The following METTL14 variants were observed in gnomAD, a reference collection of about 807,000 sequenced individuals.
The protein encoded by METTL14 is N(6)-adenosine-methyltransferase non-catalytic subunit METTL14.
In METTL14, 32 loss-of-function variants were observed where a neutral mutation model predicts 62.4. The ratio of observed to expected loss-of-function variants is 0.51; its 90% CI spans 0.39 to 0.69. METTL14 has a LOEUF of 0.69. Among genes scored for constraint, METTL14 ranks in the 30% least tolerant of loss-of-function variants. The pLI is 0.00. For synonymous variants in METTL14, 150 were observed against 180.0 expected (o/e 0.83, Z 1.34); for missense variants, 340 against 551.9 (o/e 0.62, Z 3.85).
intron 9 of METTL14, 54 bp from the exon 10 acceptor site, chr4:118,705,557 T>C: frequency 7.1e-7 from 1 of 1,403,130 alleles, no homozygotes; most frequent in South Asian, 1.2e-5. Flanking sequence ...ATGTGAAAGG[T>C]TTTGGAATGA....
Position 118,687,988 on chromosome 4 carries a change from T to G in METTL14, c.132T>G (p.Ile44Met). 1.2e-6 allele frequency: 2 copies of G among 1,613,352 alleles called. No homozygotes were observed. Among genetic ancestry groups the G allele is most frequent in the Non-Finnish European group, 1.7e-6 (2 of 1,179,556 alleles). ...VLNSKDEQREIAETRETCRAS... is the reference protein window; with the variant it reads ...VLNSKDEQREMAETRETCRAS... ...ATAGCAAAGATGAGCAGAGAGAAATTGCTGAAACAAGAGAAACTTGCAGGT... is the reference window on the plus strand; with the variant it reads ...ATAGCAAAGATGAGCAGAGAGAAATGGCTGAAACAAGAGAAACTTGCAGGT... The change falls in exon 2 of 11, where the codon ATT becomes ATG. Residue 44 changes from isoleucine to methionine, a missense_variant. Around this residue, in one of 7 missense-constraint regions of METTL14, gnomAD observed 111 missense variants for 116.6 expected, o/e 0.95. Coordinates refer to ENST00000388822, the MANE Select transcript of METTL14 (RefSeq NM_020961.4).
At chr4:118,702,970 T>TATA (rs1003960458) in intron 8 of METTL14, among the ~76,000 whole-genome samples, 1 of 146,382 alleles carries the variant, frequency 6.8e-6, no homozygotes, top group Non-Finnish European at 1.5e-5. Context: ...TTATTATTAT[T>TATA]ATTATTATAC....
At chr4:118,697,827 C>T (rs1042045074) in intron 7 of METTL14, among the ~76,000 whole-genome samples, 1 of 151,972 alleles carries the variant, frequency 6.6e-6, no homozygotes, top group African/African-American at 2.4e-5. Flanking sequence ...ACTGACCAGT[C>T]CTGGGTAGAT....
In METTL14 at chr4:118,705,920, A is replaced by G. The variant is rs1272260506; in HGVS notation, c.1066+99A>G. 5 of 948,996 alleles carry G rather than the reference A, an allele frequency of 5.3e-6. No individual in the cohort carries two copies. The East Asian group carries it at 1.2e-4, about 23-fold the overall frequency. The allele number at this position is 948,996 out of a possible 1,614,324, so 58.8% of individuals were successfully genotyped here. A position where few individuals can be genotyped will look rare whatever the true frequency, so the allele number is the denominator to read the frequency against. On this transcript the variant is annotated intron_variant, in intron 10 of 10. Coordinates refer to ENST00000388822, the MANE Select transcript of METTL14 (RefSeq NM_020961.4). ...GTAAAATAAAGTTCTTATGCATTTG[A>G]TTCCTTTTCTTGCTGTACTTCAAAT...
intron 9 of METTL14, among the ~76,000 whole-genome samples, chr4:118,705,048 C>T (rs144405398): frequency 2.1e-4 from 32 of 152,318 alleles, no homozygotes; most frequent in African/African-American, 7.2e-4. Flanking sequence ...AAAACCCACA[C>T]ATCTGGGATC....
At position 118,703,623 on chromosome 4, in the gene METTL14, A is replaced by G. The variant is rs546387971; in HGVS notation, c.739-312A>G. On this transcript the variant is annotated intron_variant, in intron 8 of 10. Transcript: ENST00000388822. ...ATTACAGAAGGTCTGAGTGCTTACAATTTAAAACCCCATGTCCATTGATGA... is the reference window on the plus strand; with the variant it reads ...ATTACAGAAGGTCTGAGTGCTTACAGTTTAAAACCCCATGTCCATTGATGA... 3.9e-5 allele frequency among the ~76,000 whole-genome samples: 6 copies of G among 152,328 alleles called. No individual in the cohort carries two copies. In the South Asian group the frequency reaches 1.0e-3, roughly 26 times the overall value.
intron 6 of METTL14, among the ~76,000 whole-genome samples, chr4:118,695,509 A>G (rs1427694167): frequency 6.6e-6 from 1 of 152,124 alleles, no homozygotes; most frequent in Non-Finnish European, 1.5e-5. Context: ...AGATCGCACC[A>G]TTGCACTTTA....
At chr4:118,687,578 A>G (rs1402685307) in intron 1 of METTL14, among the ~76,000 whole-genome samples, 1 of 152,188 alleles carries the variant, frequency 6.6e-6, no homozygotes. Flanking sequence ...AAAATATTGT[A>G]ACTTGAAAAC....
intron 1 of METTL14, among the ~76,000 whole-genome samples, 171 bp downstream of exon 1, chr4:118,685,771 G>C (rs1403592605): frequency 6.6e-6 from 1 of 152,020 alleles, no homozygotes; most frequent in Non-Finnish European, 1.5e-5. Flanking sequence ...CAATTTTCGC[G>C]GTGTCCCGAA....
chr4:118,700,573 G>C lies in METTL14; in HGVS notation c.669G>C (p.Glu223Asp). 6.2e-7 allele frequency: 1 copy of C among 1,613,018 alleles called. No individual in the cohort carries two copies. The highest frequency in any genetic ancestry group is 1.3e-5 in the African/African-American group (1 of 75,008). ...AGATTATGAAGTTAGAAATTGATGA[G>C]ATTGCAGCACCTCGATCATTTATTT... The part of the protein sequence containing the change: ...WDDIMKLEID[E>D]IAAPRSFIFL... Residue 223 changes from glutamate to aspartate, a missense_variant, in exon 8 of 11, where the codon GAG becomes GAC. Around this residue, in one of 7 missense-constraint regions of METTL14, gnomAD observed 58 missense variants for 147.5 expected, o/e 0.39. Coordinates refer to ENST00000388822, the MANE Select transcript of METTL14 (RefSeq NM_020961.4).
intron 6 of METTL14, 47 bp downstream of exon 6, chr4:118,694,573 A>G (rs1232085471): frequency 7.1e-7 from 1 of 1,406,092 alleles, no homozygotes; most frequent in Non-Finnish European, 1.0e-6. Context: ...TCAGGCTTAA[A>G]GTATCAGTTT....
At position 118,710,086 on chromosome 4, in the gene METTL14, G is replaced by C; in HGVS notation, c.1155G>C (p.Leu385Phe). The change falls in exon 11 of 11, where the codon TTG (leucine) becomes TTC (phenylalanine). Residue 385 changes from leucine (L) to phenylalanine (F), a missense_variant. By Grantham distance (22) the Leu-to-Phe change is conservative. Transcript: ENST00000388822. Reference sequence around the variant, plus strand: ...ATTTCAGTGCTCCTAATTCCTACTTGACTGGTTGTACAGAAGAAATTGAGA... The same window carrying C: ...ATTTCAGTGCTCCTAATTCCTACTTCACTGGTTGTACAGAAGAAATTGAGA... ...ASYFSAPNSYLTGCTEEIERL... is the reference protein window; with the variant it reads ...ASYFSAPNSYFTGCTEEIERL... 1 of 1,614,164 alleles carries C rather than the reference G, an allele frequency of 6.2e-7. No individual in the cohort carries two copies. Among genetic ancestry groups the C allele is most frequent in the Non-Finnish European group, 8.5e-7 (1 of 1,180,032 alleles).
At chr4:118,709,449 CAT>C (rs1330649283) in intron 10 of METTL14, among the ~76,000 whole-genome samples, 1 of 151,664 alleles carries the variant, frequency 6.6e-6, no homozygotes, top group Non-Finnish European at 1.5e-5. Context: ...GTCTGTTACA[CAT>C]GTGTTATATG....
At chr4:118,694,203 TG>T (rs1724338037) in intron 5 of METTL14, among the ~76,000 whole-genome samples, 10 of 151,718 alleles carry the variant, frequency 6.6e-5, no homozygotes, top group Admixed American at 6.6e-4. Flanking sequence ...TGATATTAAG[TG>T]GCTTATTGAC....
At chr4:118,695,735 A>T (rs1394628851) in intron 6 of METTL14, among the ~76,000 whole-genome samples, 1 of 152,186 alleles carries the variant, frequency 6.6e-6, no homozygotes, top group African/African-American at 2.4e-5. Context: ...TAAGCAGAAT[A>T]ATGTTTTCCT....
At chr4:118,705,144 C>A (rs886970416) in intron 9 of METTL14, among the ~76,000 whole-genome samples, 2 of 152,110 alleles carry the variant, frequency 1.3e-5, no homozygotes, top group Non-Finnish European at 2.9e-5. Context: ...CTTTCCTCAT[C>A]CAGAGATCCA....
At chr4:118,689,550 A>C in intron 3 of METTL14, 93 bp downstream of exon 3, 1 of 645,614 alleles carries the variant, frequency 1.5e-6, no homozygotes. Context: ...TGGAAAGCCT[A>C]ATTTTAAGAT....
chr4:118,698,623 GTGAT>G (rs757022790), intron 7 of METTL14, among the ~76,000 whole-genome samples: 1 of 152,114 alleles, frequency 6.6e-6, no homozygotes, highest in East Asian at 1.9e-4. Context: ...GTAAGATTGA[GTGAT>G]TGGGATGAGG....
At chr4:118,705,508 CGAGAAAT>C in intron 9 of METTL14, 96 bp from the exon 10 acceptor site, 1 of 950,538 alleles carries the variant, frequency 1.1e-6, no homozygotes, top group East Asian at 2.4e-5. Context: ...CCAAAGATTC[CGAGAAAT>C]GAGGATTGTT....
Sources: allele counts gnomAD v4.1 joint callset (sites outside exome capture counted in the v4.1 genomes callset), GRCh38; gene constraint gnomAD v4.1.1; regional missense constraint gnomAD v4.1.1; transcripts MANE v1.5; gene names NCBI Gene and HGNC (gene_info 2026-07-23, HGNC 2026-07-21).